Variants in PPM1H observed in about 807,000 individuals in gnomAD.
The protein encoded by PPM1H is protein phosphatase 1H.
PPM1H carries 27 observed loss-of-function variants against 54.9 expected under a neutral mutation model. The observed-to-expected ratio is 0.49, with a 90% CI of 0.36 to 0.68. The LOEUF is 0.68. Ranked by LOEUF, PPM1H falls within the 30% of genes least tolerant of loss-of-function variation. The probability of loss-of-function intolerance (pLI) is 0.00; values close to 1 mark genes in which losing one functional copy is unlikely to be tolerated. For synonymous variants in PPM1H, 305 were observed against 270.8 expected (o/e 1.13, Z -1.24); for missense variants, 596 against 667.8 (o/e 0.89, Z 1.19).
Position 62,668,190 on chromosome 12 carries a change from T to C in PPM1H, c.1246-861A>G, listed in dbSNP as rs149068166. Reference sequence around the variant, plus strand: ...AGCCTCTCTTGGGCTAGGCCACAATTCTATGTCCATCCTACTTCAATGTGG... The same window carrying C: ...AGCCTCTCTTGGGCTAGGCCACAATCCTATGTCCATCCTACTTCAATGTGG... On this transcript the variant is annotated intron_variant, in intron 8 of 9. Coordinates refer to ENST00000228705, the MANE Select transcript of PPM1H (RefSeq NM_020700.2). 3.3e-3 allele frequency among the ~76,000 whole-genome samples: 504 copies of C among 152,278 alleles called. 2 individuals are homozygous for C. The highest frequency in any genetic ancestry group is 0.011 in the African/African-American group (465 of 41,550).
intron 1 of PPM1H, among the ~76,000 whole-genome samples, chr12:62,903,835 G>A (rs1002554966): frequency 6.6e-6 from 1 of 152,108 alleles, no homozygotes; most frequent in East Asian, 1.9e-4. Flanking sequence ...TGTAAGGGAG[G>A]CTTCAGTTTC....
rs2076072626 is a variant in PPM1H, at chr12:62,689,682, A to G, written c.1245+17T>C. On this transcript the variant is annotated intron_variant, in intron 8 of 9. Transcript: ENST00000228705. ...TGTTTTATTGCACAAAATATAAACA[A>G]AAACCTCATGCGGTACCTCTGGAGC... is the stretch of plus-strand genomic sequence containing the variant. 3.8e-6 allele frequency: 6 copies of G among 1,599,364 alleles called. No homozygotes were observed. Among genetic ancestry groups the G allele is most frequent in the Non-Finnish European group, 5.1e-6 (6 of 1,168,386 alleles).
rs1056141827 is a variant in PPM1H, at chr12:62,804,966, C to T, written c.412-2806G>A. ...CTGGGATTACAGGCCTGAGCCACCG[C>T]GCCCGGCCCATTTTGGTTAATTTCT... On this transcript the variant is annotated intron_variant, in intron 2 of 9. Coordinates refer to ENST00000228705, the MANE Select transcript of PPM1H (RefSeq NM_020700.2). Among the ~76,000 whole-genome samples, 5 of 152,290 alleles carry T rather than the reference C, an allele frequency of 3.3e-5. No individual in the cohort carries two copies. In the East Asian group the frequency reaches 9.7e-4, roughly 29 times the overall value.
At chr12:62,859,239 T>C (rs1780224391) in intron 1 of PPM1H, among the ~76,000 whole-genome samples, 1 of 152,164 alleles carries the variant, frequency 6.6e-6, no homozygotes, top group South Asian at 2.1e-4. Context: ...CTCATTAACA[T>C]TCATCCAAAA....
At chr12:62,703,199 C>T (rs1034750582) in intron 6 of PPM1H, among the ~76,000 whole-genome samples, 1 of 152,116 alleles carries the variant, frequency 6.6e-6, no homozygotes, top group Non-Finnish European at 1.5e-5. Context: ...AGCAATCAAG[C>T]CACCTAATTC....
chr12:62,648,356 G>A lies in PPM1H; in HGVS notation c.*133C>T. On this transcript the variant is annotated 3_prime_UTR_variant, in exon 10 of 10. Coordinates refer to ENST00000228705, the MANE Select transcript of PPM1H (RefSeq NM_020700.2). Reference sequence around the variant, plus strand: ...GGTCATCTTGAAGCATAGTCTTTTGGCCATGAACTCCCCGCTTGGGCTGGG... The same window carrying A: ...GGTCATCTTGAAGCATAGTCTTTTGACCATGAACTCCCCGCTTGGGCTGGG... 8.7e-7 allele frequency: 1 copy of A among 1,145,442 alleles called. No homozygotes were observed. Among genetic ancestry groups the A allele is most frequent in the Non-Finnish European group, 1.2e-6 (1 of 805,356 alleles). The allele number at this position is 1,145,442 out of a possible 1,614,324, so 71.0% of individuals were successfully genotyped here. A position where few individuals can be genotyped will look rare whatever the true frequency, so the allele number is the denominator to read the frequency against.
intron 4 of PPM1H, among the ~76,000 whole-genome samples, chr12:62,787,065 G>C (rs908661855): frequency 6.6e-6 from 1 of 152,182 alleles, no homozygotes; most frequent in Non-Finnish European, 1.5e-5. Flanking sequence ...TCTTCCCTTG[G>C]AAAGGACGCT....
intron 1 of PPM1H, among the ~76,000 whole-genome samples, chr12:62,917,902 C>CA (rs1871673406): frequency 6.6e-6 from 1 of 152,022 alleles, no homozygotes; most frequent in Non-Finnish European, 1.5e-5. Context: ...TTCATAAAAT[C>CA]AAATGTAACT....
At chr12:62,776,692 A>T (rs2076613384) in intron 4 of PPM1H, among the ~76,000 whole-genome samples, 1 of 152,174 alleles carries the variant, frequency 6.6e-6, no homozygotes, top group South Asian at 2.1e-4. Context: ...AGCACCTGTG[A>T]TCATCCCATT....
At chr12:62,726,733 A>G (rs944023651) in intron 5 of PPM1H, among the ~76,000 whole-genome samples, 5 of 152,222 alleles carry the variant, frequency 3.3e-5, no homozygotes, top group Admixed American at 2.6e-4. Context: ...CCCAGAATTC[A>G]GGTGACCATG....
chr12:62,806,446 C>T (rs1192712143), intron 2 of PPM1H, among the ~76,000 whole-genome samples: 2 of 152,136 alleles, frequency 1.3e-5, no homozygotes, highest in African/African-American at 4.8e-5. Context: ...TCTTAATAGT[C>T]CAGTGGGGAA....
At chr12:62,780,684 C>G (rs2076636848) in intron 4 of PPM1H, among the ~76,000 whole-genome samples, 1 of 152,180 alleles carries the variant, frequency 6.6e-6, no homozygotes, top group African/African-American at 2.4e-5. Flanking sequence ...TATTTACCCA[C>G]TTTCCCAGGC....
At chr12:62,875,916 A>G (rs1222763096) in intron 1 of PPM1H, among the ~76,000 whole-genome samples, 1 of 152,204 alleles carries the variant, frequency 6.6e-6, no homozygotes, top group East Asian at 1.9e-4. Context: ...GTATATTGGG[A>G]TTGAACAACT....
At chr12:62,699,640 G>T (rs1348525017) in intron 6 of PPM1H, among the ~76,000 whole-genome samples, 3 of 152,202 alleles carry the variant, frequency 2.0e-5, no homozygotes, top group Non-Finnish European at 4.4e-5. Flanking sequence ...GATTTAAAAA[G>T]GCTGTCAACA....
At chr12:62,896,908 T>G (rs927552703) in intron 1 of PPM1H, among the ~76,000 whole-genome samples, 2 of 152,102 alleles carry the variant, frequency 1.3e-5, no homozygotes, top group Non-Finnish European at 2.9e-5. Context: ...CACTATGGAA[T>G]ACTATGCAGT....
chr12:62,727,304 T>TA (rs1335661906), intron 5 of PPM1H, among the ~76,000 whole-genome samples: 2 of 152,192 alleles, frequency 1.3e-5, no homozygotes, highest in African/African-American at 4.8e-5. Flanking sequence ...AAAGAATGAA[T>TA]ACAGGACATT....
chr12:62,727,608 A>C (rs968723021), intron 5 of PPM1H, among the ~76,000 whole-genome samples: 5 of 150,374 alleles, frequency 3.3e-5, no homozygotes, highest in African/African-American at 1.2e-4. Flanking sequence ...TGAGAAACCT[A>C]TAAATTAGCA....
At chr12:62,890,515 G>A (rs1215750059) in intron 1 of PPM1H, among the ~76,000 whole-genome samples, 1 of 151,970 alleles carries the variant, frequency 6.6e-6, no homozygotes, top group African/African-American at 2.4e-5. Context: ...AAGTCTATTT[G>A]AAAAATAAAA....
chr12:62,703,074 G>A (rs183405863), intron 6 of PPM1H, among the ~76,000 whole-genome samples: 4 of 152,310 alleles, frequency 2.6e-5, no homozygotes, highest in Admixed American at 1.3e-4. Context: ...GCCATCAGTT[G>A]TGGCTATTAA....
Sources: allele counts gnomAD v4.1 joint callset (sites outside exome capture counted in the v4.1 genomes callset), GRCh38; gene constraint gnomAD v4.1.1; transcripts MANE v1.5; gene names NCBI Gene and HGNC (gene_info 2026-07-23, HGNC 2026-07-21).